FOXP2: variants seen among roughly 807,000 people sequenced by gnomAD.
FOXP2 encodes forkhead box protein P2.
FOXP2 carries 12 observed loss-of-function variants against 115.8 expected under a neutral mutation model. That is an observed-to-expected ratio of 0.10 (90% CI 0.07 to 0.17). FOXP2 has a LOEUF of 0.17. Ranked by LOEUF, FOXP2 falls within the 10% of genes least tolerant of loss-of-function variation. FOXP2 has a pLI of 1.00. For missense variants in FOXP2, 629 were observed against 843.5 expected, an observed-to-expected ratio of 0.75 and a Z score of 3.15; for synonymous variants, 328 against 297.7, an observed-to-expected ratio of 1.10 and a Z score of -1.05.
At chr7:114,443,907 G>T (rs1171597401) in intron 2 of FOXP2, among the ~76,000 whole-genome samples, 1 of 152,152 alleles carries the variant, frequency 6.6e-6, no homozygotes, top group East Asian at 1.9e-4. Flanking sequence ...CTTTATGGCA[G>T]AATGATTTAT....
chr7:114,658,147 C>T lies in FOXP2; in HGVS notation c.1348C>T (p.Pro450Ser). ...GAGCTTACCTCAAACCCCTACCACA[C>T]CAACGGCCCCAGTCACCCCGATTAC... ...PQSLPQTPTT[P>S]TAPVTPITQG... The change falls in exon 11 of 17, where the codon CCA becomes TCA. Residue 450 changes from proline to serine, a missense_variant. Physicochemically the swap from Pro to Ser is moderately conservative, Grantham distance 74. Coordinates refer to ENST00000350908, the MANE Select transcript of FOXP2 (RefSeq NM_014491.4). 6.2e-7 allele frequency: 1 copy of T among 1,613,960 alleles called. No individual in the cohort carries two copies. The highest frequency in any genetic ancestry group is 1.3e-5 in the African/African-American group (1 of 75,010).
At chr7:114,446,117 T>C (rs941117659) in intron 2 of FOXP2, among the ~76,000 whole-genome samples, 1 of 152,088 alleles carries the variant, frequency 6.6e-6, no homozygotes, top group African/African-American at 2.4e-5. Context: ...CATTTTAAAA[T>C]GTGTAGATTT....
At chr7:114,395,490 C>T (rs974769842) in intron 2 of FOXP2, among the ~76,000 whole-genome samples, 1 of 152,052 alleles carries the variant, frequency 6.6e-6, no homozygotes, top group East Asian at 1.9e-4. Flanking sequence ...AAAGGAAATA[C>T]ATGGAGCCTA....
chr7:114,218,794 T>C (rs777796185), intron 1 of FOXP2, among the ~76,000 whole-genome samples: 11 of 152,204 alleles, frequency 7.2e-5, no homozygotes, highest in Non-Finnish European at 1.6e-4. Flanking sequence ...ACACTGTCAA[T>C]CATTAAGGAT....
intron 2 of FOXP2, among the ~76,000 whole-genome samples, chr7:114,438,936 T>A (rs1794471748): frequency 6.6e-6 from 1 of 152,206 alleles, no homozygotes; most frequent in South Asian, 2.1e-4. Flanking sequence ...AAGTAGATGT[T>A]AATGTGATCT....
intron 3 of FOXP2, 48 bp downstream of exon 3, chr7:114,534,754 A>T: frequency 1.4e-6 from 2 of 1,473,774 alleles, no homozygotes; most frequent in Non-Finnish European, 1.9e-6. Flanking sequence ...AAAGATGTTC[A>T]TAATGATAAC....
intron 1 of FOXP2, among the ~76,000 whole-genome samples, chr7:114,127,265 C>T (rs1301780704): frequency 6.6e-6 from 1 of 152,164 alleles, no homozygotes; most frequent in Non-Finnish European, 1.5e-5. Flanking sequence ...GAGCTACACT[C>T]TTATGTAACA....
intron 3 of FOXP2, among the ~76,000 whole-genome samples, chr7:114,574,356 A>G (rs1307155676): frequency 6.6e-6 from 1 of 151,822 alleles, no homozygotes; most frequent in African/African-American, 2.4e-5. Flanking sequence ...CTTCATTGTT[A>G]GAGAATACTT....
At chr7:114,551,692 T>A (rs1321994850) in intron 3 of FOXP2, among the ~76,000 whole-genome samples, 3 of 152,032 alleles carry the variant, frequency 2.0e-5, no homozygotes, top group Non-Finnish European at 4.4e-5. Context: ...AGATATTTTT[T>A]AAAAAAAGAG....
intron 2 of FOXP2, among the ~76,000 whole-genome samples, chr7:114,357,061 C>G (rs1358622621): frequency 6.6e-6 from 1 of 152,092 alleles, no homozygotes; most frequent in African/African-American, 2.4e-5. Flanking sequence ...GTTATACTCT[C>G]CAGAGTATTG....
chr7:114,223,452 A>G (rs1373969730), intron 1 of FOXP2, among the ~76,000 whole-genome samples: 1 of 147,604 alleles, frequency 6.8e-6, no homozygotes, highest in Non-Finnish European at 1.5e-5. Flanking sequence ...AATCTGTTGC[A>G]TATTGATTTG....
At chr7:114,553,420 A>G (rs1003565316) in intron 3 of FOXP2, among the ~76,000 whole-genome samples, 3 of 152,206 alleles carry the variant, frequency 2.0e-5, no homozygotes, top group African/African-American at 7.2e-5. Flanking sequence ...GAATTCAGCC[A>G]TTTAATGTTT....
intron 2 of FOXP2, among the ~76,000 whole-genome samples, chr7:114,427,504 C>A (rs534772050): frequency 1.5e-4 from 22 of 151,414 alleles, no homozygotes; most frequent in African/African-American, 5.3e-4. Flanking sequence ...AAAGCATATA[C>A]TTATATTAGG....
At chr7:114,578,176 A>G (rs946442341) in intron 3 of FOXP2, among the ~76,000 whole-genome samples, 1 of 151,952 alleles carries the variant, frequency 6.6e-6, no homozygotes, top group Admixed American at 6.6e-5. Context: ...AGTTGTAGGT[A>G]TAAGAGATTA....
chr7:114,105,578 A>C lies in FOXP2; in HGVS notation c.-247+17740A>C, dbSNP rs1309182245. ...CCAGATGCAGTTTCTTCTTTTGTAAACTCTCATTTTCCACAGAGAATTTCT... is the reference window on the plus strand; with the variant it reads ...CCAGATGCAGTTTCTTCTTTTGTAACCTCTCATTTTCCACAGAGAATTTCT... On this transcript the variant is annotated intron_variant, in intron 1 of 19. Transcript: ENST00000635638. Among the ~76,000 whole-genome samples, 3 of 151,722 alleles carry C rather than the reference A, an allele frequency of 2.0e-5. No homozygotes were observed. In the South Asian group the frequency reaches 6.3e-4, roughly 32 times the overall value.
chr7:114,140,115 A>G (rs1173310141), intron 1 of FOXP2, among the ~76,000 whole-genome samples: 1 of 152,152 alleles, frequency 6.6e-6, no homozygotes, highest in African/African-American at 2.4e-5. Flanking sequence ...TGTGTTTCAA[A>G]AAAAAATTGT....
At position 114,342,505 on chromosome 7, in the gene FOXP2, A is replaced by T. The variant is rs190911938; in HGVS notation, c.-11+54396A>T. ...TTATAAAAATGAGAAAATACTTTAG[A>T]TAAATACCTAGAAGTTAGCTAAATA... On this transcript the variant is annotated intron_variant, in intron 2 of 17. Coordinates refer to the FOXP2 transcript ENST00000634411. Among the ~76,000 whole-genome samples the T allele has an allele frequency of 1.1e-3, 173 of 151,578 alleles. 2 individuals carry two copies. The South Asian group carries it at 0.035, about 31-fold the overall frequency.
upstream of FOXP2, among the ~76,000 whole-genome samples, chr7:114,158,290 A>G (rs1792725525): frequency 6.6e-6 from 1 of 152,050 alleles, no homozygotes; most frequent in African/African-American, 2.4e-5. Flanking sequence ...CATCCATTTA[A>G]CCCTCGTGTT....
chr7:114,372,548 G>T (rs1527155), intron 2 of FOXP2, among the ~76,000 whole-genome samples: 6 of 152,138 alleles, frequency 3.9e-5, no homozygotes, highest in Non-Finnish European at 8.8e-5. Context: ...TCATTTTACT[G>T]CTCACAACTG....
Sources: allele counts gnomAD v4.1 joint callset (sites outside exome capture counted in the v4.1 genomes callset), GRCh38; gene constraint gnomAD v4.1.1; transcripts MANE v1.5; gene names NCBI Gene and HGNC (gene_info 2026-07-23, HGNC 2026-07-21).